RALGPS2: variants seen among roughly 807,000 people sequenced by gnomAD.
RALGPS2 encodes the protein ras-specific guanine nucleotide-releasing factor RalGPS2.
RALGPS2 carries 43 observed loss-of-function variants against 86.8 expected under a neutral mutation model. That is an observed-to-expected ratio of 0.50 (90% CI 0.39 to 0.64). The LOEUF (loss-of-function observed/expected upper bound fraction) is 0.64. Among genes scored for constraint, RALGPS2 ranks in the 30% least tolerant of loss-of-function variants. RALGPS2 has a pLI of 0.00. For missense variants in RALGPS2, 536 were observed against 694.6 expected (o/e 0.77, Z 2.57); for synonymous variants, 243 against 231.3 (o/e 1.05, Z -0.46).
intron 19 of RALGPS2, among the ~76,000 whole-genome samples, chr1:178,915,957 G>GA (rs937722366): frequency 1.4e-4 from 22 of 152,152 alleles, no homozygotes; most frequent in African/African-American, 5.1e-4. Flanking sequence ...TATATAATGA[G>GA]AAAATAAATA....
chr1:178,838,951 A>G (rs558571232), intron 8 of RALGPS2, among the ~76,000 whole-genome samples: 6,250 of 152,298 alleles, frequency 0.041, 175 homozygotes, highest in African/African-American at 0.073. Context: ...AAGCGAGAAG[A>G]GAAGTTTAGA....
At chr1:178,757,410 T>A (rs1370716606) in intron 1 of RALGPS2, among the ~76,000 whole-genome samples, 2 of 152,228 alleles carry the variant, frequency 1.3e-5, no homozygotes, top group Non-Finnish European at 2.9e-5. Flanking sequence ...GCCTGTTCAG[T>A]ATGATTGGCT....
chr1:178,806,291 A>C (rs1654736292), intron 4 of RALGPS2, among the ~76,000 whole-genome samples: 1 of 152,174 alleles, frequency 6.6e-6, no homozygotes, highest in African/African-American at 2.4e-5. Context: ...TGGATATAGA[A>C]TTCTAGAAAA....
At chr1:178,827,392 ATTT>A (rs748058137) in intron 7 of RALGPS2, among the ~76,000 whole-genome samples, 2 of 132,004 alleles carry the variant, frequency 1.5e-5, no homozygotes. Flanking sequence ...ATACTCTCTG[ATTT>A]TTTTTTTTTT....
chr1:178,798,714 A>C (rs1654320856), intron 4 of RALGPS2, among the ~76,000 whole-genome samples: 1 of 152,086 alleles, frequency 6.6e-6, no homozygotes, highest in African/African-American at 2.4e-5. Flanking sequence ...ACGTTTTGTG[A>C]AATATTGTGT....
In RALGPS2 at chr1:178,773,787, C is replaced by G. The variant is rs563566664; in HGVS notation, c.-83-2895C>G. Among the ~76,000 whole-genome samples, 1,041 of 148,752 alleles carry G rather than the reference C, an allele frequency of 7.0e-3. 10 individuals are homozygous for G. The highest frequency in any genetic ancestry group is 0.024 in the African/African-American group (962 of 40,186). ...CTCCAGCCTGGGCGACAGAGCAAGA[C>G]TCCGTCTCAAAAAAAAAAAAAATAC... On this transcript the variant is annotated intron_variant, in intron 1 of 19. Coordinates refer to ENST00000367635, the MANE Select transcript of RALGPS2 (RefSeq NM_152663.5).
rs185323932 is a variant in RALGPS2, at chr1:178,739,254, A to G, written c.-84+13835A>G. Among the ~76,000 whole-genome samples the G allele has an allele frequency of 4.6e-4, 70 of 152,294 alleles. No homozygotes were observed. In the Middle Eastern group the frequency reaches 0.02, roughly 44 times the overall value. On this transcript the variant is annotated intron_variant, in intron 1 of 19. Transcript: ENST00000367635. ...TGCTTCTGACTTGCTTATTTTGGCC[A>G]CTGGCATTTTTAAATGTTTTCTTGT...
intron 8 of RALGPS2, chr1:178,849,957 G>A (rs796531797): frequency 7.2e-5 from 11 of 152,654 alleles, no homozygotes; most frequent in African/African-American, 2.6e-4. Flanking sequence ...TCTAAGCAGT[G>A]AATATGTATT....
chr1:178,843,747 A>T (rs528765201), intron 8 of RALGPS2, among the ~76,000 whole-genome samples: 3 of 152,116 alleles, frequency 2.0e-5, no homozygotes, highest in African/African-American at 4.8e-5. Context: ...AATTTTAGAT[A>T]CTGGTATTCT....
intron 1 of RALGPS2, among the ~76,000 whole-genome samples, chr1:178,734,472 G>A (rs1028815073): frequency 4.6e-5 from 7 of 152,218 alleles, no homozygotes; most frequent in Non-Finnish European, 7.3e-5. Flanking sequence ...AAAATTGACC[G>A]TGTTGATGGT....
intron 8 of RALGPS2, chr1:178,853,884 A>G (rs1009688126): frequency 2.2e-6 from 2 of 921,890 alleles, no homozygotes; most frequent in Admixed American, 6.4e-5. Flanking sequence ...GTCTTTGTTT[A>G]CAGTTACCAT....
intron 1 of RALGPS2, among the ~76,000 whole-genome samples, chr1:178,737,781 A>AT (rs372222618): frequency 4.0e-5 from 6 of 151,766 alleles, no homozygotes; most frequent in African/African-American, 9.7e-5. Flanking sequence ...GACATTAATG[A>AT]TTTTTTTTCC....
At chr1:178,807,850 G>A (rs6690324) in intron 4 of RALGPS2, among the ~76,000 whole-genome samples, 195 bp from the exon 5 acceptor site, 152,320 of 152,328 alleles carry the variant, frequency 1, 76,156 homozygotes, top group Middle Eastern at 1. Flanking sequence ...TTTCATAGTC[G>A]TTGTGCTCTC....
rs1489350048 is a variant in RALGPS2, at chr1:178,920,357, G to T, written c.*3998G>T. On this transcript the variant is annotated 3_prime_UTR_variant, in exon 20 of 20. Coordinates refer to ENST00000367635, the MANE Select transcript of RALGPS2 (RefSeq NM_152663.5). ...CACCTATGTTTCAGGTTATAGTGGGGAGAAAATTTGGTCAGTGCCTTATTA... is the reference window on the plus strand; with the variant it reads ...CACCTATGTTTCAGGTTATAGTGGGTAGAAAATTTGGTCAGTGCCTTATTA... The T allele has an allele frequency of 6.6e-6, 1 of 151,962 alleles. No homozygotes were observed. Among genetic ancestry groups the T allele is most frequent in the African/African-American group, 2.4e-5 (1 of 41,418 alleles). 9.4% of individuals were successfully genotyped at this position (151,962 alleles called of 1,614,324 possible).
intron 7 of RALGPS2, among the ~76,000 whole-genome samples, chr1:178,824,851 A>G (rs549723555): frequency 1.3e-5 from 2 of 152,276 alleles, no homozygotes; most frequent in East Asian, 3.9e-4. Context: ...ATCCATTTTA[A>G]CAGCAGGGAA....
At chr1:178,733,026 G>T (rs1040899187) in intron 1 of RALGPS2, among the ~76,000 whole-genome samples, 14 of 152,254 alleles carry the variant, frequency 9.2e-5, no homozygotes, top group African/African-American at 3.4e-4. Context: ...CATGAAATCA[G>T]TTGTAAAGCT....
intron 7 of RALGPS2, among the ~76,000 whole-genome samples, chr1:178,832,901 G>C (rs1460612963): frequency 6.6e-6 from 1 of 151,222 alleles, no homozygotes; most frequent in Non-Finnish European, 1.5e-5. Context: ...ATATAGCACT[G>C]ATCAAAGAGA....
chr1:178,845,632 T>G (rs1296020213), intron 8 of RALGPS2, among the ~76,000 whole-genome samples: 2 of 152,238 alleles, frequency 1.3e-5, no homozygotes, highest in African/African-American at 4.8e-5. Flanking sequence ...AAACAATAAA[T>G]GTATTTGTGT....
At chr1:178,766,384 TA>T (rs952685527) in intron 1 of RALGPS2, among the ~76,000 whole-genome samples, 1 of 121,862 alleles carries the variant, frequency 8.2e-6, no homozygotes, top group Non-Finnish European at 1.8e-5. Flanking sequence ...CACACCCGGC[TA>T]ATTTTTTTTT....
Sources: gnomAD v4.1 joint callset for allele counts (sites outside exome capture counted in the v4.1 genomes callset) on GRCh38, gnomAD v4.1.1 for gene constraint, MANE v1.5 for transcripts, NCBI Gene and HGNC (gene_info 2026-07-23, HGNC 2026-07-21) for gene names.